The following FRMPD1 variants were observed in gnomAD, a reference collection of about 807,000 sequenced individuals.
FRMPD1 encodes FERM and PDZ domain containing 1.
A neutral mutation model predicts 117.8 loss-of-function variants in FRMPD1; 76 were observed. The observed-to-expected ratio is 0.65, with a 90% CI of 0.54 to 0.78. The LOEUF is 0.78. FRMPD1 is among the 30% of genes least tolerant of loss of function. The pLI, the probability that FRMPD1 is intolerant of heterozygous loss-of-function variation, is 0.00. For synonymous variants in FRMPD1, 783 were observed against 770.4 expected, an observed-to-expected ratio of 1.02 and a Z score of -0.27; for missense variants, 1,786 against 1,964.5, an observed-to-expected ratio of 0.91 and a Z score of 1.72.
chr9:37,619,675 T>C, the FRMPD1 span, among the ~76,000 whole-genome samples: 1 of 151,900 alleles, frequency 6.6e-6, no homozygotes, highest in African/African-American at 2.4e-5. Context: ...GGAGAATCAG[T>C]TGAACCCAGG....
At chr9:37,686,527 T>C (rs140828621) in intron 1 of FRMPD1, among the ~76,000 whole-genome samples, 3 of 152,316 alleles carry the variant, frequency 2.0e-5, no homozygotes, top group East Asian at 3.9e-4. Flanking sequence ...TCTCTTGACT[T>C]TAAACTCTCC....
the FRMPD1 span, among the ~76,000 whole-genome samples, chr9:37,613,923 C>A: frequency 1.3e-5 from 2 of 152,080 alleles, no homozygotes; most frequent in African/African-American, 4.8e-5. Context: ...TCCACACTTG[C>A]CTCCTACTGC....
At position 37,719,813 on chromosome 9, in the gene FRMPD1, G is replaced by A. The variant is rs558513236; in HGVS notation, c.516+637G>A. On this transcript the variant is annotated intron_variant, in intron 6 of 15. Transcript: ENST00000377765. Reference sequence around the variant, plus strand: ...TTTTGATATGGAGGGACCCAGGGTTGGGGGTTCAGAAGACAAATTTGTAAA... The same window carrying A: ...TTTTGATATGGAGGGACCCAGGGTTAGGGGTTCAGAAGACAAATTTGTAAA... 4.2e-4 allele frequency among the ~76,000 whole-genome samples: 64 copies of A among 152,324 alleles called. 1 individual carries two copies. Among genetic ancestry groups the A allele is most frequent in the Middle Eastern group, 6.8e-3 (2 of 294 alleles).
chr9:37,689,041 A>G (rs1444385977), intron 1 of FRMPD1, among the ~76,000 whole-genome samples: 1 of 152,002 alleles, frequency 6.6e-6, no homozygotes, highest in Non-Finnish European at 1.5e-5. Flanking sequence ...TCACCCTTGA[A>G]TTTCTCTTCT....
chr9:37,632,359 A>T, the FRMPD1 span, among the ~76,000 whole-genome samples: 1 of 152,204 alleles, frequency 6.6e-6, no homozygotes, highest in Non-Finnish European at 1.5e-5. Flanking sequence ...GGCTGTTAGT[A>T]TCAGAAAACC....
the FRMPD1 span, among the ~76,000 whole-genome samples, chr9:37,643,002 C>T: frequency 6.6e-6 from 1 of 152,126 alleles, no homozygotes; most frequent in Non-Finnish European, 1.5e-5. Context: ...TTGAGTGTAT[C>T]TCTCTGTATA....
At chr9:37,635,574 C>A in the FRMPD1 span, among the ~76,000 whole-genome samples, 1 of 152,128 alleles carries the variant, frequency 6.6e-6, no homozygotes, top group Non-Finnish European at 1.5e-5. Flanking sequence ...AACCTGGGAG[C>A]GGGGGGCACC....
At chr9:37,679,522 C>A (rs991475698) in intron 1 of FRMPD1, among the ~76,000 whole-genome samples, 1 of 152,196 alleles carries the variant, frequency 6.6e-6, no homozygotes, top group Non-Finnish European at 1.5e-5. Context: ...CACTATCACT[C>A]CTCCATGCCC....
At chr9:37,608,076 C>T in the FRMPD1 span, among the ~76,000 whole-genome samples, 14 of 152,334 alleles carry the variant, frequency 9.2e-5, no homozygotes, top group African/African-American at 2.6e-4. Flanking sequence ...AGTCAGTTCT[C>T]ATGCTGCATT....
At chr9:37,628,524 GA>G in the FRMPD1 span, among the ~76,000 whole-genome samples, 5 of 152,220 alleles carry the variant, frequency 3.3e-5, no homozygotes, top group Non-Finnish European at 7.3e-5. Context: ...GTTTTGATGG[GA>G]TGGATTTGTT....
chr9:37,674,385 A>G lies in FRMPD1; in HGVS notation c.-4-18253A>G, dbSNP rs116439215. Among the ~76,000 whole-genome samples the G allele has an allele frequency of 5.0e-3, 765 of 152,340 alleles. 5 individuals are homozygous for G. The highest frequency in any genetic ancestry group is 0.017 in the African/African-American group (712 of 41,568). Reference sequence around the variant, plus strand: ...CCTTATTGTTTATATTGCTATCAGCATTTCAGTCAAAGCCATTCAACAAGT... The same window carrying G: ...CCTTATTGTTTATATTGCTATCAGCGTTTCAGTCAAAGCCATTCAACAAGT... On this transcript the variant is annotated intron_variant, in intron 1 of 15. Coordinates refer to ENST00000377765, the MANE Select transcript of FRMPD1 (RefSeq NM_014907.3).
the FRMPD1 span, among the ~76,000 whole-genome samples, chr9:37,634,981 T>G: frequency 2.0e-5 from 3 of 152,160 alleles, no homozygotes; most frequent in Non-Finnish European, 4.4e-5. Flanking sequence ...AGTATCTTTA[T>G]TATGTCCTCC....
the FRMPD1 span, among the ~76,000 whole-genome samples, chr9:37,630,609 G>C: frequency 6.6e-6 from 1 of 152,090 alleles, no homozygotes; most frequent in East Asian, 1.9e-4. Flanking sequence ...TTCAACTCCT[G>C]ACCTCAAGTG....
intron 1 of FRMPD1, among the ~76,000 whole-genome samples, chr9:37,666,558 A>G: frequency 6.6e-6 from 1 of 152,002 alleles, no homozygotes; most frequent in East Asian, 1.9e-4. Flanking sequence ...CTACCCCTGC[A>G]GGTCTTATCC....
intron 2 of FRMPD1, among the ~76,000 whole-genome samples, chr9:37,704,671 T>TAA (rs1822641398): frequency 4.7e-5 from 7 of 149,900 alleles, no homozygotes; most frequent in South Asian, 2.2e-4. Flanking sequence ...TATATATATA[T>TAA]AATGTTAAAT....
At chr9:37,705,232 CT>C (rs1197739182) in intron 2 of FRMPD1, among the ~76,000 whole-genome samples, 1 of 152,106 alleles carries the variant, frequency 6.6e-6, no homozygotes, top group Non-Finnish European at 1.5e-5. Context: ...TAAGGTGGTA[CT>C]TTTCCATTCC....
intron 8 of FRMPD1, 67 bp downstream of exon 8, chr9:37,729,920 C>A: frequency 1.7e-5 from 26 of 1,542,002 alleles, no homozygotes; most frequent in Non-Finnish European, 1.7e-5. Context: ...TCAGCCAGAA[C>A]CTCTGGGGAC....
Position 37,719,128 on chromosome 9 carries a change from C to T in FRMPD1, c.468C>T (p.Pro156=), listed in dbSNP as rs1250176280. The change falls in exon 6 of 16, where the codon CCC becomes CCT. Residue 156 remains proline, a synonymous_variant. Coordinates refer to ENST00000377765, the MANE Select transcript of FRMPD1 (RefSeq NM_014907.3). The part of the protein sequence containing the change: ...EEKRARLKTN[P]VKVHFAEEVL... ...AGAGAGCCAGACTGAAGACCAACCCCGTGAAGGTGCACTTTGCTGAAGAAG... is the reference window on the plus strand; with the variant it reads ...AGAGAGCCAGACTGAAGACCAACCCTGTGAAGGTGCACTTTGCTGAAGAAG... The T allele has an allele frequency of 1.1e-5, 17 of 1,613,510 alleles. No homozygotes were observed. The highest frequency in any genetic ancestry group is 5.0e-5 in the Admixed American group (3 of 60,008).
intron 2 of FRMPD1, among the ~76,000 whole-genome samples, chr9:37,701,382 G>T (rs1239067706): frequency 6.6e-6 from 1 of 152,140 alleles, no homozygotes; most frequent in Non-Finnish European, 1.5e-5. Context: ...TGGTCTGTAG[G>T]TACATTTTGT....
Sources: gnomAD v4.1 joint callset for allele counts (sites outside exome capture counted in the v4.1 genomes callset) on GRCh38, gnomAD v4.1.1 for gene constraint, MANE v1.5 for transcripts, NCBI Gene and HGNC (gene_info 2026-07-23, HGNC 2026-07-21) for gene names.